The following TRIP12 variants were observed in gnomAD, a reference collection of about 807,000 sequenced individuals.
TRIP12 encodes thyroid hormone receptor interactor 12, also known as E3 ubiquitin-protein ligase TRIP12.
In TRIP12, 25 loss-of-function variants were observed where a neutral mutation model predicts 244.2. The observed-to-expected ratio is 0.10, with a 90% confidence interval of 0.07 to 0.14. The LOEUF is 0.14. Ranked by LOEUF, TRIP12 falls within the 10% of genes least tolerant of loss-of-function variation. The pLI, the probability that TRIP12 is intolerant of heterozygous loss-of-function variation, is 1.00. For synonymous variants in TRIP12, 905 were observed against 873.1 expected (o/e 1.04, Z -0.64); for missense variants, 1,677 against 2,486.4 (o/e 0.67, Z 6.92).
intron 11 of TRIP12, among the ~76,000 whole-genome samples, chr2:229,814,825 T>G (rs1448337656): frequency 6.6e-6 from 1 of 152,332 alleles, no homozygotes; most frequent in African/African-American, 2.4e-5. Flanking sequence ...CTCACTGGCA[T>G]GTTTTCTAGA....
At chr2:229,821,075 A>T (rs1448871501) in intron 8 of TRIP12, among the ~76,000 whole-genome samples, 1 of 152,240 alleles carries the variant, frequency 6.6e-6, no homozygotes, top group East Asian at 1.9e-4. Context: ...TATTAAAAAG[A>T]CATGTCTTGG....
chr2:229,871,426 T>C (rs1309448610), intron 2 of TRIP12, among the ~76,000 whole-genome samples: 5 of 152,206 alleles, frequency 3.3e-5, no homozygotes, highest in Admixed American at 3.3e-4. Flanking sequence ...GGATCCCTCA[T>C]GAATGGCTTA....
At chr2:229,779,343 A>C (rs1377799880) in intron 34 of TRIP12, among the ~76,000 whole-genome samples, 1 of 152,068 alleles carries the variant, frequency 6.6e-6, no homozygotes, top group Non-Finnish European at 1.5e-5. Context: ...TTACCCCAAA[A>C]CCAGCTCAAA....
intron 18 of TRIP12, among the ~76,000 whole-genome samples, chr2:229,804,694 T>C (rs927736394): frequency 6.6e-6 from 1 of 152,198 alleles, no homozygotes. Context: ...CAGTAAGTTA[T>C]ATACAAGGGG....
intron 5 of TRIP12, among the ~76,000 whole-genome samples, chr2:229,837,873 C>A (rs2055247368): frequency 6.6e-6 from 1 of 152,176 alleles, no homozygotes; most frequent in Admixed American, 6.5e-5. Context: ...AGAATGACCA[C>A]TTATTTCTCC....
At chr2:229,827,761 G>C (rs2052129523) in intron 8 of TRIP12, among the ~76,000 whole-genome samples, 1 of 152,144 alleles carries the variant, frequency 6.6e-6, no homozygotes, top group African/African-American at 2.4e-5. Flanking sequence ...CATGGCCCAG[G>C]ATGGCTTTGA....
intron 2 of TRIP12, among the ~76,000 whole-genome samples, chr2:229,867,183 T>TTTTTTA (rs2061699509): frequency 2.2e-5 from 3 of 136,494 alleles, no homozygotes; most frequent in African/African-American, 7.9e-5. Flanking sequence ...TTTTTTTTTT[T>TTTTTTA]GAGACAGATA....
Position 229,766,708 on chromosome 2 carries a change from G to A in TRIP12, c.*846C>T, listed in dbSNP as rs2031872786. ...GCCACAGAATAATAAATACCGGCCA[G>A]CCCAAGCTGTAGACTTCTTAACCTT... is the stretch of plus-strand genomic sequence containing the variant. On this transcript the variant is annotated 3_prime_UTR_variant, in exon 42 of 42. Transcript: ENST00000675903. The A allele has an allele frequency of 6.6e-6, 1 of 152,196 alleles. No homozygotes were observed. Among genetic ancestry groups the A allele is most frequent in the Non-Finnish European group, 1.5e-5 (1 of 68,030 alleles). 9.4% of individuals were successfully genotyped at this position (152,196 alleles called of 1,614,324 possible). A position where few individuals can be genotyped will look rare whatever the true frequency, so the allele number is the denominator to read the frequency against.
chr2:229,810,929 A>C lies in TRIP12; in HGVS notation c.2172T>G (p.Ser724=), dbSNP rs778809496. The change falls in exon 15 of 42, where the codon TCT becomes TCG. Residue 724 remains serine, a synonymous_variant. Coordinates refer to ENST00000675903, the MANE Select transcript of TRIP12 (RefSeq NM_001348323.3). ...AAGTTGGACAGTTGGAACACATCAG[A>C]GAAAACATGCGAACCACCATTATAA... ...GMFIMVVRMF[S]LMCSNCPTLA... 3.1e-6 allele frequency: 5 copies of C among 1,614,022 alleles called. No homozygotes were observed. The highest frequency in any genetic ancestry group is 4.2e-6 in the Non-Finnish European group (5 of 1,180,004).
chr2:229,789,572 C>T, intron 31 of TRIP12, 39 bp downstream of exon 31: 3 of 1,594,894 alleles, frequency 1.9e-6, no homozygotes, highest in Non-Finnish European at 2.6e-6. Context: ...TTATCAATCA[C>T]AGACCATGAA....
Position 229,774,215 on chromosome 2 carries a change from C to T in TRIP12, c.5576G>A (p.Gly1859Asp), listed in dbSNP as rs534775058. ...CAGTCCTAGATCTTCAACTGAGCAG[C>T]CATTCATAGTCAAGGTTTCTAATGC... The part of the protein sequence containing the change: ...QYALETLTMN[G>D]CSVEDLGLDF... Residue 1859 changes from glycine to aspartate, a missense_variant, in exon 38 of 42, where the codon GGC becomes GAC. By Grantham distance (94) the Gly-to-Asp change is moderately conservative (BLOSUM62 -1). Transcript: ENST00000675903. The T allele has an allele frequency of 6.2e-7, 1 of 1,614,104 alleles. No homozygotes were observed. The highest frequency in any genetic ancestry group is 1.3e-5 in the African/African-American group (1 of 75,028).
intron 26 of TRIP12, 183 bp from the exon 27 acceptor site, chr2:229,793,328 CG>C (rs1302897208): frequency 3.9e-6 from 2 of 518,312 alleles, no homozygotes; most frequent in Non-Finnish European, 6.4e-6. Flanking sequence ...AATTTTTATA[CG>C]TAAGAAATAA....
At chr2:229,880,660 G>A (rs1301275386) in intron 1 of TRIP12, among the ~76,000 whole-genome samples, 2 of 152,112 alleles carry the variant, frequency 1.3e-5, no homozygotes, top group Admixed American at 6.5e-5. Flanking sequence ...AAACAAAATC[G>A]TGGCCGGGTG....
chr2:229,778,726 C>CA lies in TRIP12; in HGVS notation c.5210-140dup, dbSNP rs2037112213. ...CTGAATGAAGTCCTCTAGAACTGGA[C>CA]AGGCCTTCCCTATTTGATAAATGAG... is the stretch of plus-strand genomic sequence containing the variant. On this transcript the variant is annotated intron_variant, in intron 35 of 41. Coordinates refer to ENST00000675903, the MANE Select transcript of TRIP12 (RefSeq NM_001348323.3). The surrounding 1 kb of genome is among the most constrained non-coding windows in gnomAD (Gnocchi z 4.1). 7.5e-7 allele frequency: 1 copy of CA among 1,339,316 alleles called. No individual in the cohort carries two copies. The highest frequency in any genetic ancestry group is 1.0e-6 in the Non-Finnish European group (1 of 971,044). The allele number at this position is 1,339,316 out of a possible 1,614,324, so 83.0% of individuals were successfully genotyped here.
chr2:229,877,153 T>G (rs534534875), intron 2 of TRIP12, among the ~76,000 whole-genome samples: 1 of 151,620 alleles, frequency 6.6e-6, no homozygotes, highest in African/African-American at 2.4e-5. Flanking sequence ...CTACTTGCGA[T>G]GCAGTGAGCT....
In TRIP12 at chr2:229,778,101, T is replaced by A. The variant is rs113289814; in HGVS notation, c.5364+332A>T. On this transcript the variant is annotated intron_variant, in intron 36 of 41. Coordinates refer to ENST00000675903, the MANE Select transcript of TRIP12 (RefSeq NM_001348323.3). The surrounding 1 kb of genome is among the most constrained non-coding windows in gnomAD (Gnocchi z 4.1). ...AAACTTTCCTACTGAATTAAAAAGG[T>A]AATGTCAGACTTTAAAAAATAAATA... Among the ~76,000 whole-genome samples the A allele has an allele frequency of 6.6e-6, 1 of 152,222 alleles. No homozygotes were observed. Among genetic ancestry groups the A allele is most frequent in the Non-Finnish European group, 1.5e-5 (1 of 68,038 alleles).
chr2:229,908,638 C>CA (rs1286620458), intron 1 of TRIP12, among the ~76,000 whole-genome samples: 1 of 151,706 alleles, frequency 6.6e-6, no homozygotes, highest in African/African-American at 2.4e-5. Flanking sequence ...GAGGCTGAGG[C>CA]AGGAGAATGG....
chr2:229,872,104 TAAAAAAAA>T (rs34496202), intron 2 of TRIP12, among the ~76,000 whole-genome samples: 8 of 105,264 alleles, frequency 7.6e-5, no homozygotes, highest in Middle Eastern at 6.7e-3. Context: ...ACAGATATTG[TAAAAAAAA>T]AAAAAAAAAA....
chr2:229,802,342 G>A lies in TRIP12; in HGVS notation c.3116C>T (p.Thr1039Ile). The change falls in exon 21 of 42, where the codon ACA (threonine) becomes ATA (isoleucine). Residue 1039 changes from threonine to isoleucine, a missense_variant. By Grantham distance (89) the Thr-to-Ile change is moderately conservative. Coordinates refer to ENST00000675903, the MANE Select transcript of TRIP12 (RefSeq NM_001348323.3). Reference protein sequence around the residue: ...MGSTTSVSSGTATAATHAAAD... With the variant: ...MGSTTSVSSGIATAATHAAAD... ...TGCAGCATGAGTGGCAGCTGTGGCT[G>A]TCCCACTGCTGACTGAAGTTGTGGA... is the stretch of plus-strand genomic sequence containing the variant. 6.2e-7 allele frequency: 1 copy of A among 1,613,746 alleles called. No individual in the cohort carries two copies. Among genetic ancestry groups the A allele is most frequent in the Non-Finnish European group, 8.5e-7 (1 of 1,179,868 alleles).
Sources: gnomAD v4.1 joint callset for allele counts (sites outside exome capture counted in the v4.1 genomes callset) on GRCh38, gnomAD v4.1.1 for gene constraint, Gnocchi (gnomAD v3.1) non-coding constraint, MANE v1.5 for transcripts, NCBI Gene and HGNC (gene_info 2026-07-23, HGNC 2026-07-21) for gene names.